Variants in MARCHF8 observed in about 807,000 individuals in gnomAD.
MARCHF8 encodes E3 ubiquitin-protein ligase MARCHF8.
In MARCHF8, 40 loss-of-function variants were observed where a neutral mutation model predicts 51.6. The ratio of observed to expected loss-of-function variants is 0.77; its 90% CI spans 0.60 to 1.01. MARCHF8 has a LOEUF of 1.01. Among genes scored for constraint, MARCHF8 ranks in the 50% least tolerant of loss-of-function variants. MARCHF8 has a pLI of 0.00. For synonymous variants in MARCHF8, 263 were observed against 280.3 expected (o/e 0.94, Z 0.62); for missense variants, 685 against 708.6 (o/e 0.97, Z 0.38).
chr10:45,567,171 GTTA>G (rs928188393), intron 1 of MARCHF8, among the ~76,000 whole-genome samples: 3 of 152,046 alleles, frequency 2.0e-5, no homozygotes, highest in Admixed American at 2.0e-4. Context: ...ATATACTCTG[GTTA>G]TTAAGCCCTT....
intron 3 of MARCHF8, among the ~76,000 whole-genome samples, chr10:45,471,952 G>A (rs889510556): frequency 2.0e-5 from 3 of 152,264 alleles, no homozygotes; most frequent in African/African-American, 7.2e-5. Flanking sequence ...GGTAACCACC[G>A]TCCACCCACC....
At chr10:45,540,971 G>A (rs2044043824) in intron 1 of MARCHF8, among the ~76,000 whole-genome samples, 1 of 152,166 alleles carries the variant, frequency 6.6e-6, no homozygotes, top group African/African-American at 2.4e-5. Context: ...ACTGTTGGTG[G>A]GACAGTAAAC....
At chr10:45,558,756 G>A (rs2044279081) in intron 1 of MARCHF8, among the ~76,000 whole-genome samples, 1 of 152,192 alleles carries the variant, frequency 6.6e-6, no homozygotes, top group Non-Finnish European at 1.5e-5. Flanking sequence ...CTGACAGTGA[G>A]ACCGGAGAGC....
At chr10:45,579,875 G>A (rs760375135) in intron 1 of MARCHF8, among the ~76,000 whole-genome samples, 3 of 151,644 alleles carry the variant, frequency 2.0e-5, no homozygotes, top group Non-Finnish European at 4.4e-5. Flanking sequence ...TTAGCCGGAC[G>A]TGGTGGCGGG....
In MARCHF8 at chr10:45,458,383, T is replaced by C; in HGVS notation, c.1578A>G (p.Thr526=). The change falls in exon 8 of 8, where the codon ACA becomes ACG. Residue 526 remains threonine, a synonymous_variant. Coordinates refer to ENST00000453424, the MANE Select transcript of MARCHF8 (RefSeq NM_001282866.2). The part of the protein sequence containing the change: ...RVIYVQNCPE[T]SKKNIFEKSP... ...ATTTTTCAAAAATATTCTTTTTGCT[T>C]GTTTCTGGACAGTTTTGAACATAGA... The C allele has an allele frequency of 6.2e-7, 1 of 1,614,208 alleles. No homozygotes were observed. Among genetic ancestry groups the C allele is most frequent in the Middle Eastern group, 1.6e-4 (1 of 6,062 alleles).
chr10:45,463,292 CT>C lies in MARCHF8; in HGVS notation c.946del (p.Ser316AlafsTer6). 3.2e-6 allele frequency: 5 copies of C among 1,551,020 alleles called. No homozygotes were observed. Among genetic ancestry groups the C allele is most frequent in the Non-Finnish European group, 3.5e-6 (4 of 1,147,092 alleles). On this transcript the variant is annotated frameshift_variant, in exon 5 of 8. Transcript: ENST00000453424. LOFTEE classifies it high-confidence loss of function. Reference protein sequence around the residue: ...EMGDDDVFEDSTSAKLKSRVL... With the variant: ...EMGDDDVFEDXTSAKLKSRVL... ...CCTACTCTTCAGTTTTGCAGATGTG[CT>C]GTCCTCAAAGACATCGTCGTCTCCC...
At chr10:45,552,258 C>CT (rs2044204227) in intron 1 of MARCHF8, among the ~76,000 whole-genome samples, 1 of 150,046 alleles carries the variant, frequency 6.7e-6, no homozygotes, top group South Asian at 2.1e-4. Flanking sequence ...TGGTTAATGT[C>CT]TATTAAAAAC....
chr10:45,538,460 A>G (rs1005756783), upstream of MARCHF8, among the ~76,000 whole-genome samples: 5 of 152,252 alleles, frequency 3.3e-5, no homozygotes, highest in African/African-American at 1.2e-4. Flanking sequence ...AAATTCACAC[A>G]TAACAATATT....
Position 45,463,140 on chromosome 10 carries a change from GGCAA to G in MARCHF8, c.1088+7_1088+10del. ...AGAGATGGCTAGAATGGCACTTCCTGGCAAACCAACCTGCAGACATCCCCTGACG... is the reference window on the plus strand; with the variant it reads ...AGAGATGGCTAGAATGGCACTTCCTGACCAACCTGCAGACATCCCCTGACG... On this transcript the variant is annotated splice_region_variant and intron_variant, in intron 5 of 7. Coordinates refer to ENST00000453424, the MANE Select transcript of MARCHF8 (RefSeq NM_001282866.2). The G allele has an allele frequency of 6.5e-7, 1 of 1,543,578 alleles. No homozygotes were observed. Among genetic ancestry groups the G allele is most frequent in the Non-Finnish European group, 8.8e-7 (1 of 1,142,736 alleles).
At chr10:45,485,938 G>A (rs1242734283) in intron 3 of MARCHF8, among the ~76,000 whole-genome samples, 1 of 152,098 alleles carries the variant, frequency 6.6e-6, no homozygotes, top group Non-Finnish European at 1.5e-5. Flanking sequence ...CCTAAAACTG[G>A]CTTCAAACAG....
At chr10:45,489,441 T>C in intron 2 of MARCHF8, 24 bp from the exon 3 acceptor site, 3 of 1,590,590 alleles carry the variant, frequency 1.9e-6, no homozygotes, top group Non-Finnish European at 2.6e-6. Flanking sequence ...AAACAGGTTT[T>C]AATTATCAAT....
chr10:45,514,221 A>G (rs1052084399), intron 2 of MARCHF8, among the ~76,000 whole-genome samples: 4 of 152,262 alleles, frequency 2.6e-5, no homozygotes, highest in Non-Finnish European at 5.9e-5. Flanking sequence ...GGGAACCTCA[A>G]GAGTGAGGCA....
intron 1 of MARCHF8, among the ~76,000 whole-genome samples, chr10:45,591,141 T>A (rs985339337): frequency 6.6e-6 from 1 of 152,158 alleles, no homozygotes; most frequent in African/African-American, 2.4e-5. Flanking sequence ...GAACTAATGA[T>A]AATCCACCAC....
chr10:45,591,852 T>C (rs1377928074), intron 1 of MARCHF8, among the ~76,000 whole-genome samples: 1 of 152,222 alleles, frequency 6.6e-6, no homozygotes, highest in Non-Finnish European at 1.5e-5. Flanking sequence ...TCCACCGTTC[T>C]GTCCACCTCT....
At chr10:45,462,745 C>T in intron 5 of MARCHF8, among the ~76,000 whole-genome samples, 1 of 152,064 alleles carries the variant, frequency 6.6e-6, no homozygotes, top group South Asian at 2.1e-4. Flanking sequence ...CCTGCCTCAG[C>T]CTCCTGAGTA....
intron 2 of MARCHF8, among the ~76,000 whole-genome samples, chr10:45,532,883 C>A (rs2043909933): frequency 6.6e-6 from 1 of 152,138 alleles, no homozygotes; most frequent in African/African-American, 2.4e-5. Flanking sequence ...GTAGATTTAA[C>A]CAATGAAGAT....
chr10:45,459,576 C>A (rs1481169200), intron 6 of MARCHF8, among the ~76,000 whole-genome samples: 1 of 152,202 alleles, frequency 6.6e-6, no homozygotes, highest in Admixed American at 6.5e-5. Context: ...TGATTTCAGT[C>A]CTAATGAAAA....
chr10:45,509,839 T>C (rs1589135175), intron 2 of MARCHF8, among the ~76,000 whole-genome samples: 4 of 152,328 alleles, frequency 2.6e-5, no homozygotes, highest in Admixed American at 2.6e-4. Context: ...TTGGCATAGC[T>C]TCCTAGCCTT....
intron 3 of MARCHF8, among the ~76,000 whole-genome samples, chr10:45,472,461 ACT>A (rs2042710153): frequency 6.6e-6 from 1 of 152,088 alleles, no homozygotes; most frequent in African/African-American, 2.4e-5. Flanking sequence ...ACCTCCTTAA[ACT>A]CTTAAAAATT....
Sources: allele counts gnomAD v4.1 joint callset (sites outside exome capture counted in the v4.1 genomes callset), GRCh38; gene constraint gnomAD v4.1.1; transcripts MANE v1.5; gene names NCBI Gene and HGNC (gene_info 2026-07-23, HGNC 2026-07-21).